The following RBFOX1 variants were observed in gnomAD, a reference collection of about 807,000 sequenced individuals.
RBFOX1 encodes RNA binding fox-1 homolog 1, also known as RNA binding protein fox-1 homolog 1.
In RBFOX1, 8 loss-of-function variants were observed where a neutral mutation model predicts 57.7. The ratio of observed to expected loss-of-function variants is 0.14; its 90% confidence interval spans 0.08 to 0.25. The LOEUF (loss-of-function observed/expected upper bound fraction) is 0.25, where lower values mean the gene tolerates loss of function less well. Among genes scored for constraint, RBFOX1 ranks in the 10% least tolerant of loss-of-function variants. The pLI is 1.00. For synonymous variants in RBFOX1, 326 were observed against 222.4 expected (o/e 1.47, Z -4.15); for missense variants, 611 against 548.5 (o/e 1.11, Z -1.14).
chr16:6,388,838 A>G (rs1177615434), intron 2 of RBFOX1, among the ~76,000 whole-genome samples: 1 of 152,224 alleles, frequency 6.6e-6, no homozygotes, highest in Non-Finnish European at 1.5e-5. Flanking sequence ...GCACAAACAT[A>G]CAAATACACC....
chr16:6,404,487 G>A (rs1435925532), intron 2 of RBFOX1, among the ~76,000 whole-genome samples: 2 of 152,158 alleles, frequency 1.3e-5, no homozygotes. Flanking sequence ...TTCCAAAAGA[G>A]TACGCATTTG....
At chr16:5,962,527 G>C (rs1048212637) in intron 4 of RBFOX1, among the ~76,000 whole-genome samples, 2 of 152,030 alleles carry the variant, frequency 1.3e-5, no homozygotes, top group African/African-American at 4.8e-5. Flanking sequence ...GGCCTAAAAT[G>C]TCTTTACTCC....
chr16:5,826,289 C>T (rs76411210), intron 3 of RBFOX1, among the ~76,000 whole-genome samples: 11 of 151,938 alleles, frequency 7.2e-5, no homozygotes, highest in Admixed American at 6.6e-4. Flanking sequence ...ATACTGTGCC[C>T]CTCAAGTGTG....
chr16:5,948,027 C>T (rs1053995355), intron 4 of RBFOX1, among the ~76,000 whole-genome samples: 1 of 152,204 alleles, frequency 6.6e-6, no homozygotes, highest in Non-Finnish European at 1.5e-5. Context: ...AGGAACTCTT[C>T]AGCAGAACCA....
chr16:6,780,297 T>G lies in RBFOX1; in HGVS notation c.-16+125647T>G, dbSNP rs1477981497. Reference sequence around the variant, plus strand: ...TATATATATTTATACATATATATATTTATACATATATATATTTATTCATAT... The same window carrying G: ...TATATATATTTATACATATATATATGTATACATATATATATTTATTCATAT... On this transcript the variant is annotated intron_variant, in intron 3 of 15. Transcript: ENST00000550418. Among the ~76,000 whole-genome samples, 6 of 49,870 alleles carry G rather than the reference T, an allele frequency of 1.2e-4. 1 individual carries two copies. Among genetic ancestry groups the G allele is most frequent in the African/African-American group, 2.8e-4 (3 of 10,552 alleles). 32.7% of individuals were successfully genotyped at this position (49,870 alleles called of 152,430 possible).
At chr16:6,781,549 C>G (rs543069166) in intron 3 of RBFOX1, among the ~76,000 whole-genome samples, 3 of 152,244 alleles carry the variant, frequency 2.0e-5, no homozygotes, top group South Asian at 2.1e-4. Flanking sequence ...GTGAAGCCAT[C>G]AAGTCCTGGC....
intron 1 of RBFOX1, among the ~76,000 whole-genome samples, chr16:5,298,269 A>G (rs748467992): frequency 6.6e-6 from 1 of 152,196 alleles, no homozygotes; most frequent in Non-Finnish European, 1.5e-5. Flanking sequence ...AATACATTGT[A>G]GGCAGTTGGT....
intron 4 of RBFOX1, among the ~76,000 whole-genome samples, chr16:7,192,711 C>T (rs956747530): frequency 6.6e-6 from 1 of 152,146 alleles, no homozygotes; most frequent in Non-Finnish European, 1.5e-5. Context: ...TGATGTTAAA[C>T]ATTAGGAGTG....
At chr16:7,665,058 G>C in intron 13 of RBFOX1, 90 bp downstream of exon 13, 7 of 1,611,246 alleles carry the variant, frequency 4.3e-6, no homozygotes, top group African/African-American at 2.7e-5. Context: ...ACTTGGCGTA[G>C]TTGAGTTTCT....
chr16:6,379,436 C>G (rs1309497740), intron 2 of RBFOX1, among the ~76,000 whole-genome samples: 1 of 152,056 alleles, frequency 6.6e-6, no homozygotes, highest in African/African-American at 2.4e-5. Flanking sequence ...TTTCACTTGT[C>G]TCAGTGAACT....
At chr16:6,806,302 C>G (rs183823673) in intron 3 of RBFOX1, among the ~76,000 whole-genome samples, 5 of 152,134 alleles carry the variant, frequency 3.3e-5, no homozygotes, top group African/African-American at 1.2e-4. Flanking sequence ...TTGTAGTAAC[C>G]TGATAATGTT....
chr16:6,719,667 T>C (rs914289747), intron 3 of RBFOX1, among the ~76,000 whole-genome samples: 17 of 151,890 alleles, frequency 1.1e-4, no homozygotes, highest in African/African-American at 1.7e-4. Context: ...AGGATGGTCT[T>C]GATCTCCTGA....
At chr16:6,022,141 C>G (rs530073897) in intron 1 of RBFOX1, among the ~76,000 whole-genome samples, 6 of 152,130 alleles carry the variant, frequency 3.9e-5, no homozygotes, top group Non-Finnish European at 8.8e-5. Context: ...GACTTGCTGT[C>G]TTGACAAGCA....
At chr16:5,765,640 A>T (rs2053751203) in intron 3 of RBFOX1, among the ~76,000 whole-genome samples, 1 of 152,218 alleles carries the variant, frequency 6.6e-6, no homozygotes, top group African/African-American at 2.4e-5. Flanking sequence ...TGTAAGAGAT[A>T]TGGTACTTTT....
Position 6,337,808 on chromosome 16 carries a change from C to A in RBFOX1, c.-64+20751C>A, listed in dbSNP as rs187872704. ...AAATTTTTCCACGTTGAGACGAATC[C>A]TCCTGCCTCTTCTTGAGAATCCCTC... On this transcript the variant is annotated intron_variant, in intron 2 of 15. Coordinates refer to ENST00000550418, the MANE Select transcript of RBFOX1 (RefSeq NM_018723.4). 9.7e-4 allele frequency among the ~76,000 whole-genome samples: 148 copies of A among 152,276 alleles called. 1 individual carries two copies. The highest frequency in any genetic ancestry group is 2.2e-4 in the Non-Finnish European group (15 of 68,020).
chr16:6,082,176 CTTTTT>C (rs58215856), intron 1 of RBFOX1, among the ~76,000 whole-genome samples: 1 of 89,906 alleles, frequency 1.1e-5, no homozygotes, highest in Non-Finnish European at 2.0e-5. Flanking sequence ...AATACCAGTG[CTTTTT>C]TTTTTTTTTT....
At chr16:6,656,028 T>A (rs983202909) in intron 3 of RBFOX1, among the ~76,000 whole-genome samples, 4 of 152,234 alleles carry the variant, frequency 2.6e-5, no homozygotes, top group African/African-American at 9.6e-5. Context: ...CAGTTTTGTG[T>A]TGCTCTAGTT....
At chr16:6,448,156 C>CTTTTTTTTTTTTTTTTTTTTTTTTTTTTT (rs397969435) in intron 2 of RBFOX1, among the ~76,000 whole-genome samples, 12 of 78,460 alleles carry the variant, frequency 1.5e-4, no homozygotes, top group East Asian at 9.2e-4. Flanking sequence ...TCTTTTCTTT[C>CTTTTTTTTTTTTTTTTTTTTTTTTTTTTT]TTTTTTTTTT....
intron 3 of RBFOX1, among the ~76,000 whole-genome samples, chr16:6,937,764 C>T (rs896931815): frequency 7.2e-5 from 11 of 151,918 alleles, no homozygotes; most frequent in East Asian, 1.9e-4. Flanking sequence ...AAAGTTTTAT[C>T]GTGTGGATGT....
Sources: gnomAD v4.1 joint callset for allele counts (sites outside exome capture counted in the v4.1 genomes callset) on GRCh38, gnomAD v4.1.1 for gene constraint, MANE v1.5 for transcripts, NCBI Gene and HGNC (gene_info 2026-07-23, HGNC 2026-07-21) for gene names.